The following TAFA5 variants were observed in gnomAD, a reference collection of about 807,000 sequenced individuals.
TAFA5 encodes TAFA chemokine like family member 5, also known as chemokine-like protein TAFA-5.
A neutral mutation model predicts 15.3 loss-of-function variants in TAFA5; 6 were observed. The ratio of observed to expected loss-of-function variants is 0.39; its 90% CI spans 0.21 to 0.77. The LOEUF (loss-of-function observed/expected upper bound fraction) is 0.77, where lower values mean the gene tolerates loss of function less well. Among genes scored for constraint, TAFA5 ranks in the 30% least tolerant of loss-of-function variants. TAFA5 has a pLI of 0.41. For synonymous variants in TAFA5, 103 were observed against 80.7 expected, an observed-to-expected ratio of 1.28 and a Z score of -1.48; for missense variants, 161 against 193.1, an observed-to-expected ratio of 0.83 and a Z score of 0.98.
At chr22:48,666,431 C>T (rs1242815864) in intron 2 of TAFA5, among the ~76,000 whole-genome samples, 2 of 152,226 alleles carry the variant, frequency 1.3e-5, no homozygotes, top group African/African-American at 2.4e-5. Context: ...CCTCCCACCA[C>T]AGGACACCAT....
chr22:48,511,545 T>C (rs1182524084), intron 1 of TAFA5, among the ~76,000 whole-genome samples: 1 of 152,220 alleles, frequency 6.6e-6, no homozygotes, highest in African/African-American at 2.4e-5. Flanking sequence ...TCAGTTTCCA[T>C]TGCACAAGAG....
Position 48,489,561 on chromosome 22 carries a change from C to G in TAFA5, c.-32C>G, listed in dbSNP as rs557975579. The G allele has an allele frequency of 7.5e-7, 1 of 1,333,938 alleles. No individual in the cohort carries two copies. Among genetic ancestry groups the G allele is most frequent in the South Asian group, 1.4e-5 (1 of 69,450 alleles). 82.6% of individuals were successfully genotyped at this position (1,333,938 alleles called of 1,614,324 possible). ...GGGCAGGGCCGGCTGCTGAGACGCG[C>G]TGCTGCCCCCCGCGCGGGCGCCGCG... is the stretch of plus-strand genomic sequence containing the variant. On this transcript the variant is annotated 5_prime_UTR_variant, in exon 1 of 4. Coordinates refer to ENST00000402357, the MANE Select transcript of TAFA5 (RefSeq NM_001082967.3). The surrounding 1 kb of genome is among the most constrained non-coding windows in gnomAD (Gnocchi z 5.5).
At chr22:48,745,207 G>C (rs1177866011) in intron 3 of TAFA5, among the ~76,000 whole-genome samples, 1 of 152,018 alleles carries the variant, frequency 6.6e-6, no homozygotes, top group Non-Finnish European at 1.5e-5. Context: ...CAGCTGGCCT[G>C]TCCAGGGTTC....
chr22:48,545,266 G>A (rs1447128527), intron 1 of TAFA5: 4 of 255,502 alleles, frequency 1.6e-5, no homozygotes, highest in Admixed American at 4.7e-5. Flanking sequence ...CTCTGGTCTC[G>A]GAATTCCCTG....
At chr22:48,561,915 G>T (rs1010088102) in intron 1 of TAFA5, among the ~76,000 whole-genome samples, 3 of 152,222 alleles carry the variant, frequency 2.0e-5, no homozygotes, top group African/African-American at 7.2e-5. Context: ...CTGGGACTGG[G>T]ACCGTGGGCG....
At chr22:48,611,941 C>G (rs1925424428) in intron 1 of TAFA5, among the ~76,000 whole-genome samples, 1 of 152,194 alleles carries the variant, frequency 6.6e-6, no homozygotes, top group African/African-American at 2.4e-5. Context: ...GTTGGCAGCT[C>G]TGCTGGAATC....
intron 1 of TAFA5, among the ~76,000 whole-genome samples, chr22:48,527,748 G>A (rs1237603268): frequency 6.6e-6 from 1 of 152,220 alleles, no homozygotes; most frequent in African/African-American, 2.4e-5. Context: ...CCCTTCCTGG[G>A]TCAGCCTCTG....
chr22:48,647,007 C>T (rs1318865215), intron 2 of TAFA5, among the ~76,000 whole-genome samples: 1 of 152,148 alleles, frequency 6.6e-6, no homozygotes, highest in Non-Finnish European at 1.5e-5. Flanking sequence ...ATGTTTGGGG[C>T]TCTCTGGCCC....
At chr22:48,723,380 C>A (rs130195) in intron 3 of TAFA5, among the ~76,000 whole-genome samples, 62,162 of 151,826 alleles carry the variant, frequency 0.41, 13,519 homozygotes, top group Non-Finnish European at 0.48. Context: ...TGGCGGGTGG[C>A]ACAGGTCCTT....
At chr22:48,602,011 GGCAC>G (rs1924992252) in intron 1 of TAFA5, among the ~76,000 whole-genome samples, 1 of 152,126 alleles carries the variant, frequency 6.6e-6, no homozygotes, top group African/African-American at 2.4e-5. Context: ...CCTGTGAGTG[GGCAC>G]GCTGGTGGGT....
At chr22:48,614,488 G>C (rs80255309) in intron 1 of TAFA5, among the ~76,000 whole-genome samples, 2 of 152,150 alleles carry the variant, frequency 1.3e-5, no homozygotes, top group Non-Finnish European at 2.9e-5. Context: ...TGAAAATCCC[G>C]CCTTGTACCA....
At chr22:48,644,497 G>A (rs1327154954) in intron 1 of TAFA5, among the ~76,000 whole-genome samples, 2 of 152,348 alleles carry the variant, frequency 1.3e-5, no homozygotes, top group Non-Finnish European at 2.9e-5. Flanking sequence ...GAGTCATCCA[G>A]TGCCTCCTGG....
chr22:48,502,520 A>ATT (rs71677503), intron 1 of TAFA5, among the ~76,000 whole-genome samples: 13 of 130,718 alleles, frequency 9.9e-5, no homozygotes, highest in Non-Finnish European at 1.6e-4. Flanking sequence ...TCTCTTTGGA[A>ATT]TTTTTTTTTT....
chr22:48,667,749 C>CTCGGGGCCGCGTCT lies in TAFA5; in HGVS notation c.262+21005_262+21006insGGGGCCGCGTCTTC, dbSNP rs1927666733. Among the ~76,000 whole-genome samples, 2 of 150,476 alleles carry CTCGGGGCCGCGTCT rather than the reference C, an allele frequency of 1.3e-5. 1 individual carries two copies. Among genetic ancestry groups the CTCGGGGCCGCGTCT allele is most frequent in the Non-Finnish European group, 3.0e-5 (2 of 67,560 alleles). ...CACCGGGAGCGTTAATCCCCCAGCACTCAGGGCCGCGTCTTCACTGGGAGC... is the reference window on the plus strand; with the variant it reads ...CACCGGGAGCGTTAATCCCCCAGCACTCGGGGCCGCGTCTTCAGGGCCGCGTCTTCACTGGGAGC... On this transcript the variant is annotated intron_variant, in intron 2 of 3. Transcript: ENST00000402357.
At chr22:48,507,282 A>G (rs912065456) in intron 1 of TAFA5, among the ~76,000 whole-genome samples, 11 of 128,706 alleles carry the variant, frequency 8.5e-5, no homozygotes, top group Non-Finnish European at 1.8e-4. Context: ...GACAGTCATC[A>G]AGGGCCAGGT....
intron 2 of TAFA5, among the ~76,000 whole-genome samples, chr22:48,696,751 A>C (rs1294209395): frequency 6.6e-6 from 1 of 152,224 alleles, no homozygotes; most frequent in Non-Finnish European, 1.5e-5. Flanking sequence ...GGGTGGAATG[A>C]GGTTTGCGCC....
intron 2 of TAFA5, among the ~76,000 whole-genome samples, chr22:48,674,521 T>C (rs1468081072): frequency 6.6e-6 from 1 of 152,180 alleles, no homozygotes; most frequent in African/African-American, 2.4e-5. Flanking sequence ...ATCTCGGTGT[T>C]ATTGATTGAA....
At position 48,617,963 on chromosome 22, in the gene TAFA5, A is replaced by G. The variant is rs372769339; in HGVS notation, c.113-28634A>G. Among the ~76,000 whole-genome samples, 585 of 152,258 alleles carry G rather than the reference A, an allele frequency of 3.8e-3. 2 individuals carry two copies. The highest frequency in any genetic ancestry group is 7.1e-3 in the Non-Finnish European group (480 of 68,016). ...TTGTTACTCTTAAGAGCCCTGCCAC[A>G]TGGGCGCGGTTTTTATGGCCATTTT... On this transcript the variant is annotated intron_variant, in intron 1 of 3. Transcript: ENST00000402357.
At chr22:48,562,355 G>T (rs1923262851) in intron 1 of TAFA5, among the ~76,000 whole-genome samples, 1 of 152,140 alleles carries the variant, frequency 6.6e-6, no homozygotes, top group South Asian at 2.1e-4. Context: ...AGCCAGGATG[G>T]TCTCGATCTC....
Sources: allele counts gnomAD v4.1 joint callset (sites outside exome capture counted in the v4.1 genomes callset), GRCh38; gene constraint gnomAD v4.1.1; non-coding constraint Gnocchi (gnomAD v3.1); transcripts MANE v1.5; gene names NCBI Gene and HGNC (gene_info 2026-07-23, HGNC 2026-07-21).